The following PCDH15 variants were observed in gnomAD, a reference collection of about 807,000 sequenced individuals.
The protein encoded by PCDH15 is protocadherin related 15.
In PCDH15, 129 loss-of-function variants were observed where a neutral mutation model predicts 178.5. The observed-to-expected ratio is 0.72, with a 90% CI of 0.63 to 0.84. PCDH15 has a LOEUF of 0.84. Ranked by LOEUF, PCDH15 falls within the 40% of genes least tolerant of loss-of-function variation. PCDH15 has a pLI of 0.00. For missense variants in PCDH15, 2,230 were observed against 2,099.9 expected (o/e 1.06, Z -1.21); for synonymous variants, 800 against 732.0 (o/e 1.09, Z -1.50).
chr10:54,839,428 A>G (rs1207633771), intron 3 of PCDH15, among the ~76,000 whole-genome samples: 2 of 152,090 alleles, frequency 1.3e-5, no homozygotes, highest in African/African-American at 2.4e-5. Flanking sequence ...ATGCAAAATA[A>G]AGAATTTGTA....
rs542294219 is a variant in PCDH15, at chr10:54,248,084, G to C, written c.877-11153C>G. ...AAAATTGACTCCAAGTTATAAGCTA[G>C]GGAGAAAAAAATTTTCATTTGAAAC... On this transcript the variant is annotated intron_variant, in intron 8 of 37. Transcript: ENST00000644397. Among the ~76,000 whole-genome samples the C allele has an allele frequency of 4.6e-5, 7 of 151,308 alleles. 1 individual carries two copies. In the East Asian group the frequency reaches 1.4e-3, roughly 29 times the overall value.
rs1338845342 is a variant in PCDH15 at position 54,835,699 on chromosome 10, A to G, written c.-29+61751T>C. On this transcript the variant is annotated intron_variant, in intron 3 of 5. Coordinates refer to the PCDH15 transcript ENST00000458638. ...AATTACATATCAAAAATATTTATGA[A>G]AAAACCAATATTACAGCATTCAGAG... 2.2e-4 allele frequency among the ~76,000 whole-genome samples: 34 copies of G among 152,148 alleles called. 1 individual carries two copies. The highest frequency in any genetic ancestry group is 1.2e-4 in the Non-Finnish European group (8 of 68,026).
intron 1 of PCDH15, among the ~76,000 whole-genome samples, chr10:54,772,905 T>A (rs753999770): frequency 6.6e-6 from 1 of 152,112 alleles, no homozygotes; most frequent in Non-Finnish European, 1.5e-5. Context: ...GAAAATGTGG[T>A]ACATAAATAC....
At chr10:54,395,367 A>T (rs66737208) in intron 3 of PCDH15, among the ~76,000 whole-genome samples, 9,738 of 151,914 alleles carry the variant, frequency 0.064, 387 homozygotes, top group African/African-American at 0.1. Context: ...ATAAAATAAA[A>T]AAAAAAAAAG....
At chr10:54,834,624 TTCTC>T (rs1206831872) in intron 3 of PCDH15, among the ~76,000 whole-genome samples, 6 of 152,172 alleles carry the variant, frequency 3.9e-5, no homozygotes, top group South Asian at 2.1e-4. Context: ...GAAAAAATAA[TTCTC>T]TCTATTAGAA....
chr10:54,304,938 G>T (rs938812313), intron 8 of PCDH15, among the ~76,000 whole-genome samples: 2 of 151,894 alleles, frequency 1.3e-5, no homozygotes, highest in Non-Finnish European at 1.5e-5. Context: ...TATTAGGGCT[G>T]CCTACAAATC....
At chr10:55,294,789 A>G (rs1311452909) in intron 1 of PCDH15, among the ~76,000 whole-genome samples, 1 of 152,168 alleles carries the variant, frequency 6.6e-6, no homozygotes, top group Non-Finnish European at 1.5e-5. Context: ...TTCTGGACCA[A>G]GGTTACTGCA....
chr10:54,756,300 G>A (rs1591473425), intron 1 of PCDH15, among the ~76,000 whole-genome samples: 1 of 151,840 alleles, frequency 6.6e-6, no homozygotes, highest in South Asian at 2.1e-4. Flanking sequence ...AATACCATGA[G>A]TGCAAAAAGA....
rs1374900348 is a variant in PCDH15 at position 55,622,165 on chromosome 10, T to A, written c.-156+5460A>T. 3.9e-5 allele frequency among the ~76,000 whole-genome samples: 4 copies of A among 102,770 alleles called. No individual in the cohort carries two copies. In the East Asian group the frequency reaches 1.0e-3, roughly 27 times the overall value. 67.4% of individuals were successfully genotyped at this position (102,770 alleles called of 152,430 possible). ...TATATATATCTATAAATATATATAT[T>A]ATATATATTATATATATATACATTT... On this transcript the variant is annotated intron_variant, in intron 2 of 5. Coordinates refer to the PCDH15 transcript ENST00000613346.
chr10:55,091,649 G>A (rs1251008776), intron 2 of PCDH15, among the ~76,000 whole-genome samples: 2 of 151,712 alleles, frequency 1.3e-5, no homozygotes, highest in African/African-American at 2.4e-5. Context: ...TTAAATATGA[G>A]GAATAGTTAT....
intron 2 of PCDH15, among the ~76,000 whole-genome samples, chr10:55,440,981 T>C (rs948358549): frequency 6.6e-6 from 1 of 152,136 alleles, no homozygotes; most frequent in Admixed American, 6.5e-5. Context: ...CCCCCCATGA[T>C]TCAATTATTT....
intron 20 of PCDH15, among the ~76,000 whole-genome samples, chr10:53,999,358 C>G (rs1316728616): frequency 6.6e-6 from 1 of 152,130 alleles, no homozygotes; most frequent in African/African-American, 2.4e-5. Context: ...GTTGCTGTTT[C>G]TCATATTTCT....
intron 8 of PCDH15, among the ~76,000 whole-genome samples, chr10:54,281,175 T>C (rs1441245269): frequency 6.6e-6 from 1 of 151,914 alleles, no homozygotes; most frequent in Non-Finnish European, 1.5e-5. Context: ...TCAGCCCACT[T>C]AAATAAACTG....
intron 21 of PCDH15, among the ~76,000 whole-genome samples, chr10:53,982,791 G>T (rs2134644091): frequency 6.6e-6 from 1 of 151,546 alleles, no homozygotes; most frequent in African/African-American, 2.4e-5. Flanking sequence ...TGCACATTGT[G>T]CACATGTACC....
chr10:54,221,845 C>T (rs1187528764), intron 9 of PCDH15, among the ~76,000 whole-genome samples: 1 of 152,136 alleles, frequency 6.6e-6, no homozygotes, highest in African/African-American at 2.4e-5. Flanking sequence ...TCAGGTGATC[C>T]ACTGGCCTCG....
chr10:53,931,633 ACTAT>A (rs2085073928), intron 25 of PCDH15, among the ~76,000 whole-genome samples: 1 of 152,192 alleles, frequency 6.6e-6, no homozygotes, highest in South Asian at 2.1e-4. Context: ...TTTCTTTCAT[ACTAT>A]CTCTTTAATC....
chr10:54,002,743 C>T (rs2092220748), intron 20 of PCDH15, among the ~76,000 whole-genome samples: 1 of 152,080 alleles, frequency 6.6e-6, no homozygotes, highest in African/African-American at 2.4e-5. Flanking sequence ...CCCTGTGACT[C>T]AGGGTTTTGA....
intron 2 of PCDH15, among the ~76,000 whole-genome samples, chr10:54,624,799 G>A (rs1189313483): frequency 2.6e-5 from 4 of 152,174 alleles, no homozygotes; most frequent in Non-Finnish European, 4.4e-5. Flanking sequence ...TGCATATGAG[G>A]GGTCTAGGTT....
At chr10:54,949,758 T>C (rs920150210) in intron 2 of PCDH15, among the ~76,000 whole-genome samples, 5 of 151,884 alleles carry the variant, frequency 3.3e-5, no homozygotes, top group African/African-American at 1.2e-4. Flanking sequence ...CTAAATCATC[T>C]CTCTCAAGCT....
Sources: allele counts gnomAD v4.1 joint callset (sites outside exome capture counted in the v4.1 genomes callset), GRCh38; gene constraint gnomAD v4.1.1; transcripts MANE v1.5; gene names NCBI Gene and HGNC (gene_info 2026-07-23, HGNC 2026-07-21).